The following PHACTR3 variants were observed in gnomAD, a reference collection of about 807,000 sequenced individuals.
PHACTR3 encodes the protein protein phosphatase 1, regulatory subunit 123.
PHACTR3 carries 16 observed loss-of-function variants against 66.8 expected under a neutral mutation model. The observed-to-expected ratio is 0.24, with a 90% CI of 0.16 to 0.36. The LOEUF (loss-of-function observed/expected upper bound fraction) is 0.36, where lower values mean the gene tolerates loss of function less well. PHACTR3 is among the 10% of genes least tolerant of loss of function. PHACTR3 has a pLI of 1.00. For missense variants in PHACTR3, 647 were observed against 719.9 expected, an observed-to-expected ratio of 0.90 and a Z score of 1.16; for synonymous variants, 323 against 292.1, an observed-to-expected ratio of 1.11 and a Z score of -1.08.
At chr20:59,588,533 G>T (rs1450062663) in intron 1 of PHACTR3, among the ~76,000 whole-genome samples, 6 of 152,174 alleles carry the variant, frequency 3.9e-5, no homozygotes, top group African/African-American at 1.2e-4. Context: ...TGGGTTTCCT[G>T]TTTCTCCCAG....
chr20:59,732,846 G>C (rs1285465146), intron 1 of PHACTR3, among the ~76,000 whole-genome samples: 1 of 152,144 alleles, frequency 6.6e-6, no homozygotes, highest in Admixed American at 6.5e-5. Flanking sequence ...GGTGCCGGAG[G>C]AGGAAGCGGA....
chr20:59,672,874 G>A (rs961813216), intron 1 of PHACTR3, among the ~76,000 whole-genome samples: 3 of 152,246 alleles, frequency 2.0e-5, no homozygotes, highest in African/African-American at 4.8e-5. Flanking sequence ...TCCTGTGGAG[G>A]TGGGAAGAGC....
chr20:59,841,573 A>G, intron 11 of PHACTR3, 38 bp downstream of exon 11: 1 of 1,583,856 alleles, frequency 6.3e-7, no homozygotes, highest in East Asian at 2.3e-5. Context: ...GTGTTGGATG[A>G]TATAATAAAG....
intron 8 of PHACTR3, among the ~76,000 whole-genome samples, chr20:59,823,290 G>A (rs967643456): frequency 9.9e-5 from 15 of 152,030 alleles, no homozygotes; most frequent in Non-Finnish European, 1.8e-4. Flanking sequence ...GAGTCCTAAC[G>A]CCCAGAACAG....
At chr20:59,598,656 C>T (rs1029893221) in intron 1 of PHACTR3, among the ~76,000 whole-genome samples, 6 of 152,322 alleles carry the variant, frequency 3.9e-5, no homozygotes, top group Admixed American at 2.0e-4. Flanking sequence ...CCTTGGTTGG[C>T]ATTGCATTGA....
chr20:59,829,217 T>C lies in PHACTR3; in HGVS notation c.1329-7288T>C, dbSNP rs550453214. ...CCCAGAAGTCAGGACTGCTGGCTGC[T>C]GAGATGGGGCTTGCCCCAGGCATGT... On this transcript the variant is annotated intron_variant, in intron 8 of 12. Coordinates refer to ENST00000371015, the MANE Select transcript of PHACTR3 (RefSeq NM_080672.5). The surrounding 1 kb of genome is among the most constrained non-coding windows in gnomAD (Gnocchi z 4.2). 3.9e-5 allele frequency among the ~76,000 whole-genome samples: 6 copies of C among 152,238 alleles called. No homozygotes were observed. The highest frequency in any genetic ancestry group is 1.3e-4 in the Admixed American group (2 of 15,310).
chr20:59,670,652 G>A (rs531935276), intron 1 of PHACTR3, among the ~76,000 whole-genome samples: 13 of 151,822 alleles, frequency 8.6e-5, no homozygotes, highest in East Asian at 2.0e-4. Context: ...TGCAAGGTCC[G>A]GGGAGACCCC....
intron 1 of PHACTR3, among the ~76,000 whole-genome samples, chr20:59,725,781 G>A (rs894331523): frequency 6.6e-6 from 1 of 152,282 alleles, no homozygotes; most frequent in African/African-American, 2.4e-5. Context: ...CAGGGGCTAG[G>A]CTACATTCTT....
chr20:59,683,746 G>A (rs1399074019), intron 1 of PHACTR3, among the ~76,000 whole-genome samples: 1 of 152,158 alleles, frequency 6.6e-6, no homozygotes, highest in East Asian at 1.9e-4. Context: ...CTCTCCTCTT[G>A]AAGTTCTTGG....
chr20:59,808,353 T>A (rs1168792427), intron 8 of PHACTR3, among the ~76,000 whole-genome samples: 2 of 152,164 alleles, frequency 1.3e-5, no homozygotes, highest in African/African-American at 4.8e-5. Context: ...GTTTCCCCTT[T>A]CACCAGGCCA....
intron 1 of PHACTR3, among the ~76,000 whole-genome samples, chr20:59,629,082 C>T (rs2034569523): frequency 6.6e-6 from 1 of 152,220 alleles, no homozygotes; most frequent in Admixed American, 6.5e-5. Context: ...GAAATTTTAT[C>T]ACACCTATAG....
chr20:59,775,013 C>T (rs527918874), intron 7 of PHACTR3, among the ~76,000 whole-genome samples: 3 of 152,196 alleles, frequency 2.0e-5, no homozygotes, highest in East Asian at 1.9e-4. Flanking sequence ...AGGCAGCATA[C>T]GCTTGTTTGG....
intron 1 of PHACTR3, among the ~76,000 whole-genome samples, chr20:59,618,138 G>A (rs773627513): frequency 4.6e-5 from 7 of 152,212 alleles, no homozygotes; most frequent in Non-Finnish European, 8.8e-5. Flanking sequence ...ATGCTAGGCC[G>A]AGAGATTGGC....
At chr20:59,782,228 T>C (rs2040749666) in intron 7 of PHACTR3, among the ~76,000 whole-genome samples, 1 of 152,154 alleles carries the variant, frequency 6.6e-6, no homozygotes, top group Admixed American at 6.5e-5. Context: ...GGTGGTTGTT[T>C]TTTTCATTTT....
chr20:59,583,239 C>A (rs1177138695), intron 1 of PHACTR3, among the ~76,000 whole-genome samples: 1 of 152,118 alleles, frequency 6.6e-6, no homozygotes, highest in African/African-American at 2.4e-5. Context: ...CTGGGTTTAA[C>A]CCAGGGATCT....
intron 1 of PHACTR3, among the ~76,000 whole-genome samples, chr20:59,665,841 G>C (rs77337810): frequency 0.019 from 2,855 of 152,282 alleles, 46 homozygotes; most frequent in Non-Finnish European, 0.029. Flanking sequence ...CTCTATGTTG[G>C]CCATGTTTAT....
chr20:59,820,526 C>A lies in PHACTR3; in HGVS notation c.1328+14332C>A, dbSNP rs960094803. Among the ~76,000 whole-genome samples, 1 of 152,172 alleles carries A rather than the reference C, an allele frequency of 6.6e-6. No homozygotes were observed. Among genetic ancestry groups the A allele is most frequent in the Non-Finnish European group, 1.5e-5 (1 of 68,042 alleles). On this transcript the variant is annotated intron_variant, in intron 8 of 12. Coordinates refer to ENST00000371015, the MANE Select transcript of PHACTR3 (RefSeq NM_080672.5). This position sits in a 1 kb window ranked among gnomAD's most constrained non-coding sequence, Gnocchi z 4.6. ...AGAGGATATAAATATGACGCTTCAT[C>A]GTCTTGGGTGGAAGTCCCCGTGTAC...
chr20:59,658,758 C>T (rs976392921), intron 1 of PHACTR3, among the ~76,000 whole-genome samples: 8 of 152,168 alleles, frequency 5.3e-5, no homozygotes, highest in African/African-American at 1.9e-4. Context: ...GCATGCATTC[C>T]TCTACAACCT....
At chr20:59,758,233 G>A (rs1471473651) in intron 4 of PHACTR3, among the ~76,000 whole-genome samples, 1 of 152,134 alleles carries the variant, frequency 6.6e-6, no homozygotes, top group Non-Finnish European at 1.5e-5. Flanking sequence ...ATGGCATGTG[G>A]ACAGACAATG....
Sources: allele counts gnomAD v4.1 joint callset (sites outside exome capture counted in the v4.1 genomes callset), GRCh38; gene constraint gnomAD v4.1.1; non-coding constraint Gnocchi (gnomAD v3.1); transcripts MANE v1.5; gene names NCBI Gene and HGNC (gene_info 2026-07-23, HGNC 2026-07-21).